The following DPP10 variants were observed in gnomAD, a reference collection of about 807,000 sequenced individuals.
DPP10 encodes the protein inactive dipeptidyl peptidase 10.
DPP10 carries 33 observed loss-of-function variants against 120.9 expected under a neutral mutation model. The observed-to-expected ratio is 0.27, with a 90% confidence interval of 0.21 to 0.37. The LOEUF (loss-of-function observed/expected upper bound fraction) is 0.37. Ranked by LOEUF, DPP10 falls within the 10% of genes least tolerant of loss-of-function variation. The pLI is 1.00. For missense variants in DPP10, 816 were observed against 942.8 expected (o/e 0.87, Z 1.76); for synonymous variants, 337 against 326.1 (o/e 1.03, Z -0.36).
chr2:115,753,401 A>C (rs1338028806), intron 11 of DPP10, 104 bp downstream of exon 11: 3 of 1,031,492 alleles, frequency 2.9e-6, no homozygotes, highest in Non-Finnish European at 4.0e-6. Context: ...TCAGTGTTTA[A>C]CTTTTAAAAC....
intron 5 of DPP10, among the ~76,000 whole-genome samples, chr2:115,581,051 T>C (rs1289811406): frequency 2.6e-5 from 4 of 152,300 alleles, no homozygotes; most frequent in Admixed American, 6.5e-5. Flanking sequence ...GGAAATTGCC[T>C]GTAGGGCCTA....
chr2:114,577,046 G>A lies in DPP10; in HGVS notation c.60+134208G>A, dbSNP rs185383793. On this transcript the variant is annotated intron_variant, in intron 1 of 25. Coordinates refer to ENST00000410059, the MANE Select transcript of DPP10 (RefSeq NM_020868.6). ...TGTGATGGAGAAAAATATATGGTAT[G>A]TTATCAAGAGGAAAGAGACAGAGAA... Among the ~76,000 whole-genome samples, 14 of 152,272 alleles carry A rather than the reference G, an allele frequency of 9.2e-5. No homozygotes were observed. In the East Asian group the frequency reaches 1.4e-3, roughly 15 times the overall value.
At chr2:114,796,808 C>T (rs1421211733) in intron 1 of DPP10, among the ~76,000 whole-genome samples, 2 of 152,170 alleles carry the variant, frequency 1.3e-5, no homozygotes, top group Admixed American at 6.5e-5. Flanking sequence ...GGCAGTTCAA[C>T]CAATTTGACT....
At chr2:115,748,163 A>G (rs1469675503) in intron 10 of DPP10, among the ~76,000 whole-genome samples, 3 of 151,602 alleles carry the variant, frequency 2.0e-5, no homozygotes, top group Non-Finnish European at 4.4e-5. Context: ...AGTTTAAAAT[A>G]CTGCCTAAAC....
intron 1 of DPP10, among the ~76,000 whole-genome samples, chr2:114,996,563 G>A (rs1004546623): frequency 6.6e-5 from 10 of 151,950 alleles, no homozygotes; most frequent in Non-Finnish European, 1.5e-4. Flanking sequence ...TGGCTTTATA[G>A]TTTAGGCAAT....
rs189718122 is a variant in DPP10, at chr2:115,693,015, C to T, written c.576+3094C>T. Among the ~76,000 whole-genome samples the T allele has an allele frequency of 2.4e-4, 37 of 152,186 alleles. No individual in the cohort carries two copies. The East Asian group carries it at 6.4e-3, about 26-fold the overall frequency. On this transcript the variant is annotated intron_variant, in intron 7 of 25. Coordinates refer to ENST00000410059, the MANE Select transcript of DPP10 (RefSeq NM_020868.6). ...AACCCTGCATTCACTGTCCTTTCCA[C>T]ACTAAATGGTTGAATAATTGAGTAA... is the stretch of plus-strand genomic sequence containing the variant.
intron 1 of DPP10, among the ~76,000 whole-genome samples, chr2:114,749,538 T>A (rs1355876254): frequency 1.7e-5 from 2 of 120,386 alleles, no homozygotes; most frequent in African/African-American, 6.1e-5. Context: ...AGACACTTAT[T>A]CTAGCACTGC....
At chr2:115,836,964 C>T (rs150176299) in intron 24 of DPP10, among the ~76,000 whole-genome samples, 2 of 152,148 alleles carry the variant, frequency 1.3e-5, no homozygotes, top group African/African-American at 4.8e-5. Flanking sequence ...CAATCAAACT[C>T]CCTGTAATGA....
chr2:115,664,773 G>A (rs1214290655), intron 5 of DPP10, among the ~76,000 whole-genome samples: 1 of 152,174 alleles, frequency 6.6e-6, no homozygotes, highest in Non-Finnish European at 1.5e-5. Flanking sequence ...TCAGAGCAGT[G>A]CATTAGGGCA....
intron 1 of DPP10, among the ~76,000 whole-genome samples, chr2:114,595,423 T>C (rs777301962): frequency 6.6e-6 from 1 of 152,058 alleles, no homozygotes; most frequent in Non-Finnish European, 1.5e-5. Context: ...CTCTGAAATA[T>C]GCAGAGTGGC....
chr2:115,382,626 C>T (rs2066488113), intron 3 of DPP10, among the ~76,000 whole-genome samples: 1 of 152,026 alleles, frequency 6.6e-6, no homozygotes, highest in Non-Finnish European at 1.5e-5. Context: ...AAATAGGTCT[C>T]TTCCTAGAAA....
At chr2:115,079,593 T>C (rs1465700913) in intron 1 of DPP10, among the ~76,000 whole-genome samples, 1 of 151,910 alleles carries the variant, frequency 6.6e-6, no homozygotes, top group African/African-American at 2.4e-5. Context: ...GCTAGACAAA[T>C]TGGTGCATAC....
intron 3 of DPP10, among the ~76,000 whole-genome samples, chr2:115,439,525 C>T (rs1184906562): frequency 2.6e-5 from 4 of 152,104 alleles, no homozygotes; most frequent in South Asian, 2.1e-4. Context: ...TCTTGACAAA[C>T]GTAACCACAG....
chr2:115,434,604 C>G (rs1486531917), intron 3 of DPP10, among the ~76,000 whole-genome samples: 2 of 120,728 alleles, frequency 1.7e-5, no homozygotes, highest in Admixed American at 8.2e-5. Flanking sequence ...TAGTTTGATG[C>G]ATGTATATAA....
At chr2:115,388,848 T>G (rs895938867) in intron 3 of DPP10, among the ~76,000 whole-genome samples, 26 of 152,156 alleles carry the variant, frequency 1.7e-4, no homozygotes, top group African/African-American at 6.0e-4. Context: ...TCCTGTTAAT[T>G]AAAAGGATTG....
intron 1 of DPP10, among the ~76,000 whole-genome samples, chr2:115,158,791 T>C (rs940711680): frequency 1.3e-5 from 2 of 152,152 alleles, no homozygotes; most frequent in African/African-American, 2.4e-5. Context: ...ACTCTGTGAA[T>C]CTTTTTTTTA....
At chr2:114,449,403 A>C (rs1283256836) in intron 1 of DPP10, among the ~76,000 whole-genome samples, 2 of 152,116 alleles carry the variant, frequency 1.3e-5, no homozygotes, top group Admixed American at 6.6e-5. Flanking sequence ...ATAAGCTGTG[A>C]AATAAGGAAA....
At chr2:115,771,049 C>T (rs1681396121) in intron 13 of DPP10, among the ~76,000 whole-genome samples, 1 of 139,744 alleles carries the variant, frequency 7.2e-6, no homozygotes, top group Admixed American at 8.0e-5. Flanking sequence ...AGCAGATATA[C>T]TGTACTGTAT....
chr2:115,542,744 G>T (rs2079245831), intron 5 of DPP10, among the ~76,000 whole-genome samples: 1 of 151,186 alleles, frequency 6.6e-6, no homozygotes, highest in African/African-American at 2.4e-5. Flanking sequence ...AAGCCCTGTA[G>T]ACTCTACAGT....
Sources: gnomAD v4.1 joint callset for allele counts (sites outside exome capture counted in the v4.1 genomes callset) on GRCh38, gnomAD v4.1.1 for gene constraint, MANE v1.5 for transcripts, NCBI Gene and HGNC (gene_info 2026-07-23, HGNC 2026-07-21) for gene names.